The following HDAC8 variants were observed in gnomAD, a reference collection of about 807,000 sequenced individuals.
HDAC8 encodes histone deacetylase-like 1.
A neutral mutation model predicts 32.2 loss-of-function variants in HDAC8; 1 was observed. The observed-to-expected ratio is 0.03, with a 90% CI of 0.01 to 0.15. HDAC8 has a LOEUF of 0.15. Ranked by LOEUF, HDAC8 falls within the 10% of genes least tolerant of loss-of-function variation. The pLI, the probability that HDAC8 is intolerant of heterozygous loss-of-function variation, is 1.00. For synonymous variants in HDAC8, 108 were observed against 113.9 expected, an observed-to-expected ratio of 0.95 and a Z score of 0.33; for missense variants, 117 against 300.0, an observed-to-expected ratio of 0.39 and a Z score of 4.51.
At chrX:72,372,909 C>T (rs980963558) in intron 9 of HDAC8, among the ~76,000 whole-genome samples, 1 of 111,615 alleles carries the variant, frequency 9.0e-6, no homozygotes, top group Non-Finnish European at 1.9e-5. Flanking sequence ...TACGATGAGT[C>T]AGCGACTGTG....
At chrX:72,366,236 A>C (rs1394565488) in intron 9 of HDAC8, among the ~76,000 whole-genome samples, 3 of 111,673 alleles carry the variant, frequency 2.7e-5, no homozygotes, top group East Asian at 5.6e-4. Context: ...TCGGCTCCCC[A>C]CTGACTGCAG....
At chrX:72,493,799 C>T (rs1470300367) in intron 5 of HDAC8, among the ~76,000 whole-genome samples, 3 of 111,242 alleles carry the variant, frequency 2.7e-5, no homozygotes, top group African/African-American at 6.5e-5. Context: ...TGGGTTCAAG[C>T]GATCCTCCTG....
At chrX:72,477,219 C>T (rs1556001026) in intron 7 of HDAC8, among the ~76,000 whole-genome samples, 3 of 111,646 alleles carry the variant, frequency 2.7e-5, no homozygotes, top group Non-Finnish European at 5.6e-5. Context: ...ATAGTTAGAA[C>T]ATTTACGTGT....
chrX:72,538,185 CTT>C (rs782378380), intron 4 of HDAC8, among the ~76,000 whole-genome samples: 14 of 95,498 alleles, frequency 1.5e-4, no homozygotes, highest in Non-Finnish European at 1.7e-4. Context: ...TTTTGTTTTT[CTT>C]TTTTTTTTTT....
intron 6 of HDAC8, among the ~76,000 whole-genome samples, chrX:72,489,780 T>C (rs1400870492): frequency 3.3e-4 from 37 of 110,891 alleles, no homozygotes; most frequent in African/African-American, 1.1e-3. Context: ...AGAGCTTCTG[T>C]ACAGCAAAAG....
intron 9 of HDAC8, among the ~76,000 whole-genome samples, chrX:72,438,677 C>T (rs139729797): frequency 6.3e-5 from 7 of 110,558 alleles, no homozygotes; most frequent in African/African-American, 2.3e-4. Context: ...ACACAAGTAT[C>T]AATAGCTGAA....
intron 4 of HDAC8, among the ~76,000 whole-genome samples, chrX:72,495,561 G>A (rs185594830): frequency 9.0e-6 from 1 of 111,541 alleles, no homozygotes; most frequent in Non-Finnish European, 1.9e-5. Flanking sequence ...ACCTTTCCCT[G>A]GATTTAGGAA....
intron 10 of HDAC8, among the ~76,000 whole-genome samples, 154 bp from the exon 11 acceptor site, chrX:72,330,230 A>G (rs1431013142): frequency 5.4e-5 from 6 of 111,847 alleles, no homozygotes; most frequent in Admixed American, 2.9e-4. Flanking sequence ...CAAGACCAGA[A>G]TAGCTTGCTG....
intron 9 of HDAC8, among the ~76,000 whole-genome samples, chrX:72,414,584 A>C (rs1413331369): frequency 2.7e-5 from 3 of 112,510 alleles, no homozygotes; most frequent in South Asian, 3.7e-4. Flanking sequence ...GCTTTACTGT[A>C]AACTGTGTGA....
chrX:72,339,288 C>T (rs1217911344), intron 10 of HDAC8, among the ~76,000 whole-genome samples: 1 of 112,395 alleles, frequency 8.9e-6, no homozygotes, highest in Non-Finnish European at 1.9e-5. Flanking sequence ...TCTACAATGG[C>T]CTAGGCCCTG....
chrX:72,368,960 C>T (rs782702204), intron 9 of HDAC8, among the ~76,000 whole-genome samples: 12 of 111,982 alleles, frequency 1.1e-4, no homozygotes, highest in Non-Finnish European at 2.1e-4. Flanking sequence ...TGATTCGTGA[C>T]GACCTTGGTT....
chrX:72,563,090 C>T (rs981520118), intron 4 of HDAC8, among the ~76,000 whole-genome samples: 14 of 110,051 alleles, frequency 1.3e-4, no homozygotes, highest in Non-Finnish European at 2.7e-4. Flanking sequence ...CCATGTTGGC[C>T]AGGCTGGTCT....
chrX:72,482,042 T>C (rs1213276096), intron 7 of HDAC8, among the ~76,000 whole-genome samples: 1 of 111,503 alleles, frequency 9.0e-6, no homozygotes, highest in South Asian at 3.8e-4. Context: ...AGTAAGTCAA[T>C]AGTGAAAGGA....
At chrX:72,418,486 C>A (rs1232053931) in intron 9 of HDAC8, among the ~76,000 whole-genome samples, 2 of 111,452 alleles carry the variant, frequency 1.8e-5, no homozygotes, top group Admixed American at 9.5e-5. Flanking sequence ...CAGTGAGATA[C>A]CATTTTATAC....
intron 9 of HDAC8, among the ~76,000 whole-genome samples, chrX:72,375,820 T>C (rs1238787891): frequency 8.9e-6 from 1 of 111,852 alleles, no homozygotes. Context: ...TGTGGCCCAA[T>C]AAAGTTGACA....
In HDAC8 at chrX:72,462,082, G is replaced by A; in HGVS notation, c.927C>T (p.Ala309=). The change falls in exon 9 of 11, where the codon GCC becomes GCT. Residue 309 remains alanine, a synonymous_variant. Coordinates refer to ENST00000373573, the MANE Select transcript of HDAC8 (RefSeq NM_018486.3). Reference sequence around the variant, plus strand: ...AGTATGTCCAGCATCGAGCCGTGTTGGCAAGGTTATAGCCTCCTGTCTCCA... The same window carrying A: ...AGTATGTCCAGCATCGAGCCGTGTTAGCAAGGTTATAGCCTCCTGTCTCCA... ...LILGGGGYNL[A]NTARCWTYLT... 1 of 1,206,494 alleles carries A rather than the reference G, an allele frequency of 8.3e-7. No homozygotes were observed. The highest frequency in any genetic ancestry group is 1.1e-6 in the Non-Finnish European group (1 of 891,136).
At chrX:72,367,392 T>G (rs966272) in intron 9 of HDAC8, among the ~76,000 whole-genome samples, 10,427 of 111,717 alleles carry the variant, frequency 0.093, 581 homozygotes, top group African/African-American at 0.21. Flanking sequence ...ACTTAATTCT[T>G]CAAGGCTCTG....
chrX:72,507,079 G>T (rs1469167047), intron 4 of HDAC8, among the ~76,000 whole-genome samples: 4 of 110,300 alleles, frequency 3.6e-5, no homozygotes, highest in African/African-American at 1.3e-4. Flanking sequence ...GAACTCCCGA[G>T]CTCAAGCAAT....
intron 4 of HDAC8, among the ~76,000 whole-genome samples, chrX:72,557,201 T>A (rs1277098402): frequency 1.8e-5 from 2 of 111,112 alleles, no homozygotes; most frequent in Non-Finnish European, 3.8e-5. Context: ...AGACTCCACC[T>A]CAAACAAACA....
Sources: gnomAD v4.1 joint callset for allele counts (sites outside exome capture counted in the v4.1 genomes callset) on GRCh38, gnomAD v4.1.1 for gene constraint, MANE v1.5 for transcripts, NCBI Gene and HGNC (gene_info 2026-07-23, HGNC 2026-07-21) for gene names.